Variants in ZNF3 observed in about 807,000 individuals in gnomAD.
The protein encoded by ZNF3 is zinc finger protein 3, also known as C2-H2 type zinc finger protein.
Under a neutral mutation model 36.9 loss-of-function variants are expected in ZNF3, and 16 were observed. That is an observed-to-expected ratio of 0.43 (90% CI 0.29 to 0.66). ZNF3 has a LOEUF of 0.66. Among genes scored for constraint, ZNF3 ranks in the 30% least tolerant of loss-of-function variants. ZNF3 has a pLI of 0.13. For missense variants in ZNF3, 462 were observed against 543.1 expected (o/e 0.85, Z 1.48); for synonymous variants, 201 against 201.9 (o/e 1.00, Z 0.04).
At chr7:100,067,511 C>T (rs939257859), downstream of ZNF3, among the ~76,000 whole-genome samples, 1 of 152,064 alleles carries the variant, frequency 6.6e-6, no homozygotes, top group Admixed American at 6.6e-5. Context: ...CTCAAGCAGT[C>T]CTCCCATCTC....
At chr7:100,067,480 G>C (rs970053736), downstream of ZNF3, among the ~76,000 whole-genome samples, 3 of 151,968 alleles carry the variant, frequency 2.0e-5, no homozygotes, top group African/African-American at 7.3e-5. Flanking sequence ...ATATTGCCTA[G>C]GCTAGTTTCC....
At chr7:100,066,821 A>G (rs1412520471), downstream of ZNF3, among the ~76,000 whole-genome samples, 1 of 151,860 alleles carries the variant, frequency 6.6e-6, no homozygotes, top group Non-Finnish European at 1.5e-5. Flanking sequence ...GATCACCTGA[A>G]ATCAGGAGTT....
Position 100,071,926 on chromosome 7 carries a change from G to T in ZNF3, c.558C>A (p.Asn186Lys). Reference sequence around the variant, plus strand: ...CGGGGAGTCTCTGATGTGAGATAAGGTTGGAATTCACAGTGAAGCTGTTCC... The same window carrying T: ...CGGGGAGTCTCTGATGTGAGATAAGTTTGGAATTCACAGTGAAGCTGTTCC... ...DFGNSFTVNS[N>K]LISHQRLPVG... Residue 186 changes from asparagine (N) to lysine (K), a missense_variant, in exon 6 of 6, where the codon AAC becomes AAA. Asn to Lys is a moderately conservative substitution (Grantham distance 94). Transcript: ENST00000299667. 6.2e-7 allele frequency: 1 copy of T among 1,614,212 alleles called. No individual in the cohort carries two copies. Among genetic ancestry groups the T allele is most frequent in the Non-Finnish European group, 8.5e-7 (1 of 1,180,044 alleles).
intron 3 of ZNF3, 123 bp downstream of exon 3, chr7:100,077,180 C>G: frequency 8.3e-7 from 1 of 1,208,064 alleles, no homozygotes; most frequent in South Asian, 1.3e-5. Flanking sequence ...TACTGAATGG[C>G]GAAGAGTGTG....
chr7:100,074,319 G>A (rs920632879), intron 5 of ZNF3, among the ~76,000 whole-genome samples: 1 of 152,150 alleles, frequency 6.6e-6, no homozygotes, highest in African/African-American at 2.4e-5. Context: ...CACCCAGGCT[G>A]GACTGCAGTA....
intron 5 of ZNF3, among the ~76,000 whole-genome samples, chr7:100,074,914 T>C (rs1043564669): frequency 1.3e-5 from 2 of 151,958 alleles, no homozygotes; most frequent in Non-Finnish European, 1.5e-5. Context: ...TAGCCTGGTG[T>C]GGTGGTGCGT....
At chr7:100,075,509 G>A in intron 4 of ZNF3, 33 bp downstream of exon 4, 1 of 1,612,514 alleles carries the variant, frequency 6.2e-7, no homozygotes. Flanking sequence ...ACAGAAAATG[G>A]AAAGGAAAAG....
At chr7:100,066,774 C>T (rs1221251940), downstream of ZNF3, among the ~76,000 whole-genome samples, 1 of 151,918 alleles carries the variant, frequency 6.6e-6, no homozygotes, top group Non-Finnish European at 1.5e-5. Context: ...GTGGCTCACG[C>T]CTGTAATCCC....
chr7:100,064,530 G>GT, exon 6 of ZNF3: 1 of 1,614,152 alleles, frequency 6.2e-7, no homozygotes, highest in South Asian at 1.1e-5. Context: ...AGCCCTACTG[G>GT]TGTCATCACT....
downstream of ZNF3, among the ~76,000 whole-genome samples, chr7:100,066,411 CTT>C (rs970830844): frequency 1.5e-4 from 22 of 151,120 alleles, no homozygotes; most frequent in African/African-American, 3.6e-4. Context: ...TCCCATCTCT[CTT>C]GTTTTTTAAA....
Position 100,072,079 on chromosome 7 carries a change from A to G in ZNF3, c.405T>C (p.Ser135=), listed in dbSNP as rs1036376393. ...KFKEAYEREV[S]LKRPLGNSPG... ...GGGAGTTCCCCAGCGGCCTTTTCAG[A>G]CTGACTTCTCGTTCATAGGCTTCTT... Residue 135 remains serine, a synonymous_variant, in exon 6 of 6, where the codon AGT becomes AGC. Coordinates refer to ENST00000299667, the MANE Select transcript of ZNF3 (RefSeq NM_032924.5). 5.0e-6 allele frequency: 8 copies of G among 1,614,040 alleles called. No homozygotes were observed. The highest frequency in any genetic ancestry group is 6.8e-6 in the Non-Finnish European group (8 of 1,180,046).
chr7:100,080,839 C>T (rs1463146417), intron 1 of ZNF3, among the ~76,000 whole-genome samples: 1 of 152,204 alleles, frequency 6.6e-6, no homozygotes, highest in African/African-American at 2.4e-5. Flanking sequence ...GCTTCAATAA[C>T]AGAATCTTCT....
At chr7:100,072,266 A>C in intron 5 of ZNF3, 54 bp from the exon 6 acceptor site, 1 of 1,438,678 alleles carries the variant, frequency 7.0e-7, no homozygotes, top group Non-Finnish European at 9.4e-7. Flanking sequence ...GAAAGAGTGA[A>C]AATCACAGGA....
Position 100,077,611 on chromosome 7 carries a change from G to C in ZNF3, c.-76-178C>G, listed in dbSNP as rs533069941. The C allele has an allele frequency of 1.1e-4, 50 of 437,378 alleles. No homozygotes were observed. The East Asian group carries it at 2.2e-3, about 19-fold the overall frequency. 27.1% of individuals were successfully genotyped at this position (437,378 alleles called of 1,614,324 possible). On this transcript the variant is annotated intron_variant, in intron 2 of 5. Coordinates refer to ENST00000299667, the MANE Select transcript of ZNF3 (RefSeq NM_032924.5). ...TTTTTTTTCCTTTTTGTGGAGAACAGGGTCTCGCTATATTGCCCAGGCAGG... is the reference window on the plus strand; with the variant it reads ...TTTTTTTTCCTTTTTGTGGAGAACACGGTCTCGCTATATTGCCCAGGCAGG...
At chr7:100,075,364 G>C (rs760447670) in intron 4 of ZNF3, 103 bp from the exon 5 acceptor site, 4 of 1,592,654 alleles carry the variant, frequency 2.5e-6, no homozygotes, top group Non-Finnish European at 3.4e-6. Context: ...TTTGGGAAGG[G>C]AGGAAGGGAG....
At position 100,075,703 on chromosome 7, in the gene ZNF3, C is replaced by T. The variant is rs1276862195; in HGVS notation, c.56-73G>A. On this transcript the variant is annotated intron_variant, in intron 3 of 5. Transcript: ENST00000299667. ...CCTCCCAACCTGCTGACTTCCCAAC[C>T]CACAGAAAGCTCCCGGGGTCCTGGG... The T allele has an allele frequency of 2.8e-6, 4 of 1,452,388 alleles. No homozygotes were observed. The African/African-American group carries it at 5.6e-5, about 20-fold the overall frequency. The allele number at this position is 1,452,388 out of a possible 1,614,324, so 90.0% of individuals were successfully genotyped here.
At chr7:100,068,823 A>G (rs904264420), downstream of ZNF3, among the ~76,000 whole-genome samples, 9 of 151,166 alleles carry the variant, frequency 6.0e-5, no homozygotes, top group African/African-American at 1.9e-4. Context: ...ACACCCAGCT[A>G]ATTTTTTTTT....
In ZNF3 at chr7:100,071,051, A is replaced by C. The variant is rs1793048614; in HGVS notation, c.*92T>G. 6.7e-7 allele frequency: 1 copy of C among 1,501,596 alleles called. No individual in the cohort carries two copies. Among genetic ancestry groups the C allele is most frequent in the African/African-American group, 1.4e-5 (1 of 71,424 alleles). 93.0% of individuals were successfully genotyped at this position (1,501,596 alleles called of 1,614,324 possible). On this transcript the variant is annotated 3_prime_UTR_variant, in exon 6 of 6. Coordinates refer to ENST00000299667, the MANE Select transcript of ZNF3 (RefSeq NM_032924.5). ...TCTCTAAAATGAAAAGTCTGAGTTGAAAGGGACACATCCTAAGCTGTTGAG... is the reference window on the plus strand; with the variant it reads ...TCTCTAAAATGAAAAGTCTGAGTTGCAAGGGACACATCCTAAGCTGTTGAG...
At chr7:100,076,079 C>T (rs1794058539) in intron 3 of ZNF3, among the ~76,000 whole-genome samples, 1 of 151,162 alleles carries the variant, frequency 6.6e-6, no homozygotes, top group Non-Finnish European at 1.5e-5. Context: ...CTCAAGTGAT[C>T]CTCCTGCCTC....
Sources: gnomAD v4.1 joint callset for allele counts (sites outside exome capture counted in the v4.1 genomes callset) on GRCh38, gnomAD v4.1.1 for gene constraint, MANE v1.5 for transcripts, NCBI Gene and HGNC (gene_info 2026-07-23, HGNC 2026-07-21) for gene names.